The following PAM variants were observed in gnomAD, a reference collection of about 807,000 sequenced individuals.
The protein encoded by PAM is peptidyl-glycine alpha-amidating monooxygenase.
A neutral mutation model predicts 122.1 loss-of-function variants in PAM; 72 were observed. That is an observed-to-expected ratio of 0.59 (90% CI 0.49 to 0.72). PAM has a LOEUF of 0.72. Ranked by LOEUF, PAM falls within the 30% of genes least tolerant of loss-of-function variation. The pLI, the probability that PAM is intolerant of heterozygous loss-of-function variation, is 0.00. For missense variants in PAM, 1,106 were observed against 1,183.7 expected, an observed-to-expected ratio of 0.93 and a Z score of 0.96; for synonymous variants, 389 against 404.4, an observed-to-expected ratio of 0.96 and a Z score of 0.46.
rs1472850333 is a variant in PAM at position 102,864,184 on chromosome 5, A to ATAT, written c.-373-1638_-373-1637insATT. ...TCTTCATATATATATATATATATAT[A>ATAT]TTTTTTTTTTTTTTAAAGAACTTCA... On this transcript the variant is annotated intron_variant, in intron 1 of 25. Coordinates refer to ENST00000438793, the MANE Select transcript of PAM (RefSeq NM_001177306.2). Among the ~76,000 whole-genome samples the ATAT allele has an allele frequency of 9.1e-3, 1,221 of 133,656 alleles. 13 individuals carry two copies. Among genetic ancestry groups the ATAT allele is most frequent in the African/African-American group, 0.032 (1,117 of 35,096 alleles). The allele number at this position is 133,656 out of a possible 152,430, so 87.7% of individuals were successfully genotyped here. A position where few individuals can be genotyped will look rare whatever the true frequency, so the allele number is the denominator to read the frequency against.
intron 15 of PAM, among the ~76,000 whole-genome samples, chr5:102,980,220 A>C (rs556461074): frequency 1.3e-5 from 2 of 152,296 alleles, no homozygotes; most frequent in Admixed American, 1.3e-4. Flanking sequence ...CATGGGTAAG[A>C]AATTTGTATT....
chr5:102,813,458 A>G (rs1768603127), intron 1 of PAM, among the ~76,000 whole-genome samples: 1 of 152,252 alleles, frequency 6.6e-6, no homozygotes, highest in Non-Finnish European at 1.5e-5. Context: ...CTACGTCGTA[A>G]CTACTCCAAA....
intron 1 of PAM, among the ~76,000 whole-genome samples, chr5:102,816,787 A>G (rs936163557): frequency 6.6e-6 from 1 of 152,114 alleles, no homozygotes; most frequent in Non-Finnish European, 1.5e-5. Flanking sequence ...CACTCTCTTC[A>G]TGATCTTATT....
chr5:103,026,366 G>A (rs1784939423), intron 24 of PAM, among the ~76,000 whole-genome samples: 1 of 152,128 alleles, frequency 6.6e-6, no homozygotes, highest in Non-Finnish European at 1.5e-5. Flanking sequence ...AGTGCCCTTG[G>A]CAAAGCCCTG....
chr5:102,940,487 A>ATG lies in PAM; in HGVS notation c.527-6349_527-6348insGT, dbSNP rs200421706. Among the ~76,000 whole-genome samples, 1,163 of 137,966 alleles carry ATG rather than the reference A, an allele frequency of 8.4e-3. 9 individuals carry two copies. The highest frequency in any genetic ancestry group is 0.028 in the African/African-American group (1,103 of 38,710). 90.5% of individuals were successfully genotyped at this position (137,966 alleles called of 152,430 possible). On this transcript the variant is annotated intron_variant, in intron 7 of 25. Transcript: ENST00000438793. ...TCTATAATGCTATGTATATAATGCT[A>ATG]TATATATATATCAGCTATATATATA... is the stretch of plus-strand genomic sequence containing the variant.
rs904493748 is a variant in PAM at position 103,015,010 on chromosome 5, C to T, written c.2332-2324C>T. On this transcript the variant is annotated intron_variant, in intron 21 of 25. Transcript: ENST00000438793. ...ATACCAAAAGAAAAAAAAGTGAGCC[C>T]AGATTTATGTCATTTTTCCAACCTT... is the stretch of plus-strand genomic sequence containing the variant. Among the ~76,000 whole-genome samples, 5 of 152,230 alleles carry T rather than the reference C, an allele frequency of 3.3e-5. No individual in the cohort carries two copies. The East Asian group carries it at 7.7e-4, about 23-fold the overall frequency.
At chr5:102,901,335 T>C (rs775449300) in intron 3 of PAM, 21 bp from the exon 4 acceptor site, 1 of 1,459,764 alleles carries the variant, frequency 6.9e-7, no homozygotes, top group Non-Finnish European at 9.6e-7. Flanking sequence ...AATTTGGATT[T>C]TTTAATCTTT....
rs181414130 is a variant in PAM, at chr5:102,858,096, C to T, written c.-373-7727C>T. Reference sequence around the variant, plus strand: ...CATAAGAATTCAGCAAGATTATACACGCAAAATCAGTGCTGGCATATGAGT... The same window carrying T: ...CATAAGAATTCAGCAAGATTATACATGCAAAATCAGTGCTGGCATATGAGT... On this transcript the variant is annotated intron_variant, in intron 1 of 25. Coordinates refer to ENST00000438793, the MANE Select transcript of PAM (RefSeq NM_001177306.2). Among the ~76,000 whole-genome samples the T allele has an allele frequency of 2.2e-4, 34 of 152,268 alleles. 2 individuals are homozygous for T. Among genetic ancestry groups the T allele is most frequent in the African/African-American group, 3.4e-4 (14 of 41,556 alleles).
intron 4 of PAM, among the ~76,000 whole-genome samples, chr5:102,908,594 C>T (rs1800381290): frequency 6.6e-6 from 1 of 151,032 alleles, no homozygotes; most frequent in South Asian, 2.1e-4. Context: ...GGAGGGATAG[C>T]ATTGGGAGAT....
chr5:102,961,117 C>A, intron 13 of PAM, 41 bp from the exon 14 acceptor site: 2 of 1,005,718 alleles, frequency 2.0e-6, no homozygotes, highest in Non-Finnish European at 3.2e-6. Context: ...GTATGTAATA[C>A]ATACTGCAAA....
chr5:103,025,436 T>C (rs1475436106), intron 24 of PAM, 102 bp downstream of exon 24: 2 of 912,134 alleles, frequency 2.2e-6, no homozygotes, highest in African/African-American at 3.4e-5. Flanking sequence ...CTGTATTTGT[T>C]TTTTTGTTTT....
chr5:102,960,901 C>T (rs1762290762), intron 13 of PAM, among the ~76,000 whole-genome samples: 1 of 140,146 alleles, frequency 7.1e-6, no homozygotes, highest in Non-Finnish European at 1.5e-5. Flanking sequence ...TTTGAAAATT[C>T]TGTATCATTT....
chr5:102,827,669 T>TAGCATTAAAAACCACTCTTGGACTTCA (rs1580633505), intron 1 of PAM, among the ~76,000 whole-genome samples: 9 of 52,948 alleles, frequency 1.7e-4, no homozygotes, highest in Non-Finnish European at 2.5e-4. Context: ...ACTATGATTT[T>TAGCATTAAAAACCACTCTTGGACTTCA]TTTTTTTTTT....
intron 3 of PAM, among the ~76,000 whole-genome samples, chr5:102,879,555 T>C (rs1207748351): frequency 2.0e-5 from 3 of 152,092 alleles, no homozygotes; most frequent in Non-Finnish European, 4.4e-5. Flanking sequence ...TGTTTAAAAG[T>C]GTGTAGTACC....
intron 5 of PAM, among the ~76,000 whole-genome samples, chr5:102,919,751 A>G (rs1019154729): frequency 6.6e-6 from 1 of 152,132 alleles, no homozygotes; most frequent in African/African-American, 2.4e-5. Flanking sequence ...TTGGGATAGT[A>G]TAACGGATCA....
At chr5:102,919,988 C>A (rs1007676151) in intron 5 of PAM, among the ~76,000 whole-genome samples, 1 of 152,036 alleles carries the variant, frequency 6.6e-6, no homozygotes, top group Non-Finnish European at 1.5e-5. Context: ...CCTCACAAGA[C>A]TAGTACTTTA....
chr5:102,940,692 T>A (rs1754906730), intron 7 of PAM, among the ~76,000 whole-genome samples: 1 of 152,044 alleles, frequency 6.6e-6, no homozygotes, highest in Non-Finnish European at 1.5e-5. Flanking sequence ...AACAAGTTAG[T>A]TAAATGTTTC....
chr5:102,829,749 T>C (rs758950571), intron 1 of PAM, among the ~76,000 whole-genome samples: 3 of 152,214 alleles, frequency 2.0e-5, no homozygotes, highest in Non-Finnish European at 4.4e-5. Flanking sequence ...ATCTACTTTA[T>C]ACAAATTGTC....
At chr5:102,913,862 G>A in intron 4 of PAM, 72 bp from the exon 5 acceptor site, 4 of 841,786 alleles carry the variant, frequency 4.8e-6, no homozygotes, top group Non-Finnish European at 8.3e-6. Context: ...ACTGTTCAAA[G>A]ATGTATTTTA....
Sources: gnomAD v4.1 joint callset for allele counts (sites outside exome capture counted in the v4.1 genomes callset) on GRCh38, gnomAD v4.1.1 for gene constraint, MANE v1.5 for transcripts, NCBI Gene and HGNC (gene_info 2026-07-23, HGNC 2026-07-21) for gene names.